Variants in MYO5A observed in about 807,000 individuals in gnomAD.
MYO5A encodes the protein myosin VA.
Under a neutral mutation model 249.7 loss-of-function variants are expected in MYO5A, and 98 were observed. That is an observed-to-expected ratio of 0.39 (90% CI 0.33 to 0.46). The LOEUF (loss-of-function observed/expected upper bound fraction) is 0.46, where lower values mean the gene tolerates loss of function less well. Among genes scored for constraint, MYO5A ranks in the 20% least tolerant of loss-of-function variants. MYO5A has a pLI of 0.98. For missense variants in MYO5A, 1,696 were observed against 2,308.8 expected (o/e 0.73, Z 5.44); for synonymous variants, 778 against 810.6 (o/e 0.96, Z 0.68).
At chr15:52,323,727 G>A (rs2038441650) in intron 36 of MYO5A, 1 of 362,214 alleles carries the variant, frequency 2.8e-6, no homozygotes, top group South Asian at 2.2e-5. Context: ...CACCCGGCTG[G>A]GCGCGGTGGC....
intron 19 of MYO5A, 139 bp downstream of exon 19, chr15:52,376,208 G>A: frequency 2.7e-6 from 2 of 751,120 alleles, no homozygotes; most frequent in Non-Finnish European, 4.6e-6. Flanking sequence ...CTATTTAGCT[G>A]TCCTATGAGT....
At chr15:52,496,272 A>T (rs1693949095) in intron 1 of MYO5A, among the ~76,000 whole-genome samples, 3 of 152,146 alleles carry the variant, frequency 2.0e-5, no homozygotes, top group African/African-American at 7.2e-5. Context: ...TTGGTTTCTC[A>T]TCTCTGCTCA....
chr15:52,499,769 T>C (rs2077115383), intron 1 of MYO5A, among the ~76,000 whole-genome samples: 1 of 152,258 alleles, frequency 6.6e-6, no homozygotes, highest in South Asian at 2.1e-4. Flanking sequence ...CCTTTGGCCA[T>C]TGTGAATAAT....
At chr15:52,368,717 C>G (rs1013210021) in intron 22 of MYO5A, among the ~76,000 whole-genome samples, 1 of 152,192 alleles carries the variant, frequency 6.6e-6, no homozygotes, top group East Asian at 1.9e-4. Context: ...CCAGCCTACA[C>G]AACATAGGAA....
intron 11 of MYO5A, among the ~76,000 whole-genome samples, chr15:52,395,318 A>T (rs1231814887): frequency 1.3e-5 from 2 of 152,094 alleles, no homozygotes; most frequent in Admixed American, 1.3e-4. Flanking sequence ...CTATTTTTAG[A>T]TCCTCTTTTG....
At position 52,433,089 on chromosome 15, in the gene MYO5A, C is replaced by T. The variant is rs548891287; in HGVS notation, c.138+86G>A. 1.9e-5 allele frequency: 19 copies of T among 1,010,162 alleles called. No individual in the cohort carries two copies. The African/African-American group carries it at 2.1e-4, about 11-fold the overall frequency. 62.6% of individuals were successfully genotyped at this position (1,010,162 alleles called of 1,614,324 possible). On this transcript the variant is annotated intron_variant, in intron 2 of 41. Transcript: ENST00000399233. ...CTAGGTAAGTTCAAAATTTAACTTC[C>T]ATTGGGAGTTTACTTCACAGTAAAT...
At chr15:52,414,473 G>GT (rs1165346882) in intron 5 of MYO5A, among the ~76,000 whole-genome samples, 6 of 151,832 alleles carry the variant, frequency 4.0e-5, no homozygotes, top group South Asian at 2.1e-4. Flanking sequence ...AATAAAGCTG[G>GT]TTTTTTTTGA....
rs193229785 is a variant in MYO5A at position 52,393,481 on chromosome 15, C to T, written c.1402-1411G>A. Among the ~76,000 whole-genome samples the T allele has an allele frequency of 2.5e-3, 386 of 152,104 alleles. 4 individuals are homozygous for T. Among genetic ancestry groups the T allele is most frequent in the Admixed American group, 3.7e-3 (56 of 15,286 alleles). On this transcript the variant is annotated intron_variant, in intron 11 of 41. Transcript: ENST00000399233. ...CAGTCTGGGCTCACTGCAACCTCCA[C>T]CTCCCGGGTTCAAGCGATTCTCCTG...
intron 9 of MYO5A, among the ~76,000 whole-genome samples, chr15:52,402,050 CT>C (rs35167355): frequency 0.012 from 1,879 of 152,268 alleles, 34 homozygotes; most frequent in African/African-American, 0.043. Context: ...GTCAATATTT[CT>C]TGTAACTTTT....
intron 1 of MYO5A, among the ~76,000 whole-genome samples, chr15:52,439,492 T>C (rs930737816): frequency 6.6e-6 from 1 of 152,230 alleles, no homozygotes; most frequent in African/African-American, 2.4e-5. Context: ...AAAGCCATCT[T>C]TGAATCCCCT....
chr15:52,350,469 C>T (rs967088272), intron 28 of MYO5A, among the ~76,000 whole-genome samples: 5 of 152,042 alleles, frequency 3.3e-5, no homozygotes, highest in Non-Finnish European at 5.9e-5. Context: ...TTCAGGCATC[C>T]AGCTCATTAT....
Position 52,352,278 on chromosome 15 carries a change from G to A in MYO5A, c.3622-797C>T, listed in dbSNP as rs112743159. Among the ~76,000 whole-genome samples the A allele has an allele frequency of 8.2e-3, 1,256 of 152,280 alleles. 16 individuals are homozygous for A. Among genetic ancestry groups the A allele is most frequent in the African/African-American group, 0.027 (1,139 of 41,550 alleles). ...CAGGAACCCAGAATAGAGTGCCACC[G>A]ACACTAGCACACAAGTGTCACAAGA... On this transcript the variant is annotated intron_variant, in intron 27 of 41. Coordinates refer to ENST00000399233, the MANE Select transcript of MYO5A (RefSeq NM_001382347.1).
rs912416879 is a variant in MYO5A at position 52,323,336 on chromosome 15, G to A, written c.4800+19C>T. ...AGAGAAAGTATAGCATGCTGGTTTT[G>A]TAATCAAGGTTTTCTCACCTCTTCT... is the stretch of plus-strand genomic sequence containing the variant. On this transcript the variant is annotated intron_variant, in intron 37 of 41. Coordinates refer to ENST00000399233, the MANE Select transcript of MYO5A (RefSeq NM_001382347.1). The A allele has an allele frequency of 6.3e-7, 1 of 1,596,394 alleles. No homozygotes were observed. Among genetic ancestry groups the A allele is most frequent in the Middle Eastern group, 1.7e-4 (1 of 6,012 alleles).
chr15:52,389,440 T>G, intron 12 of MYO5A, 77 bp from the exon 13 acceptor site: 5 of 1,410,880 alleles, frequency 3.5e-6, no homozygotes, highest in Non-Finnish European at 4.8e-6. Flanking sequence ...TGTCAAAAGA[T>G]CTTTTATTTT....
chr15:52,393,205 A>G (rs973025811), intron 11 of MYO5A, among the ~76,000 whole-genome samples: 1 of 151,914 alleles, frequency 6.6e-6, no homozygotes, highest in Non-Finnish European at 1.5e-5. Context: ...AAATCTTGCT[A>G]TTTTTGTGGG....
intron 34 of MYO5A, among the ~76,000 whole-genome samples, chr15:52,332,049 C>T (rs1359241865): frequency 6.6e-6 from 1 of 152,170 alleles, no homozygotes; most frequent in African/African-American, 2.4e-5. Context: ...TGAAGCAGCA[C>T]ACAGTGGCCT....
chr15:52,482,616 T>A (rs1036764028), intron 1 of MYO5A, among the ~76,000 whole-genome samples: 1 of 152,192 alleles, frequency 6.6e-6, no homozygotes, highest in Non-Finnish European at 1.5e-5. Flanking sequence ...TTCCATTTGA[T>A]ATCCCTAACA....
chr15:52,457,179 C>G (rs183376143), intron 1 of MYO5A, among the ~76,000 whole-genome samples: 8 of 152,220 alleles, frequency 5.3e-5, no homozygotes, highest in South Asian at 4.1e-4. Flanking sequence ...TGGTGGCTCA[C>G]GTCTGTAATC....
chr15:52,526,042 T>A (rs2077724251), intron 1 of MYO5A, among the ~76,000 whole-genome samples: 1 of 152,142 alleles, frequency 6.6e-6, no homozygotes, highest in South Asian at 2.1e-4. Context: ...TAAGGCCCAT[T>A]CACAAAAAGA....
Sources: gnomAD v4.1 joint callset for allele counts (sites outside exome capture counted in the v4.1 genomes callset) on GRCh38, gnomAD v4.1.1 for gene constraint, MANE v1.5 for transcripts, NCBI Gene and HGNC (gene_info 2026-07-23, HGNC 2026-07-21) for gene names.